AGAP1: variants seen among roughly 807,000 people sequenced by gnomAD.
AGAP1 encodes the protein arf-GAP with GTPase, ANK repeat and PH domain-containing protein 1.
AGAP1 carries 29 observed loss-of-function variants against 105.3 expected under a neutral mutation model. That is an observed-to-expected ratio of 0.28 (90% confidence interval 0.21 to 0.38). The LOEUF is 0.38. AGAP1 is among the 10% of genes least tolerant of loss of function. AGAP1 has a pLI of 1.00. For synonymous variants in AGAP1, 509 were observed against 485.9 expected (o/e 1.05, Z -0.63); for missense variants, 998 against 1,165.1 (o/e 0.86, Z 2.09).
chr2:235,646,227 G>A (rs1044449955), intron 1 of AGAP1, among the ~76,000 whole-genome samples: 4 of 138,340 alleles, frequency 2.9e-5, no homozygotes, highest in East Asian at 4.3e-4. Flanking sequence ...GTGAGATTGC[G>A]CCATTGCACT....
Position 236,087,144 on chromosome 2 carries a change from G to A in AGAP1, c.2115-33048G>A, listed in dbSNP as rs1370020918. 6.6e-6 allele frequency among the ~76,000 whole-genome samples: 1 copy of A among 152,122 alleles called. No individual in the cohort carries two copies. The highest frequency in any genetic ancestry group is 2.4e-5 in the African/African-American group (1 of 41,414). ...AAAAACAGAGCTGAAAAGGAAGAAG[G>A]CCCATTTGCTTCTGGGAATCCAATA... On this transcript the variant is annotated intron_variant, in intron 16 of 17. Coordinates refer to ENST00000304032, the MANE Select transcript of AGAP1 (RefSeq NM_001037131.3). This position sits in a 1 kb window ranked among gnomAD's most constrained non-coding sequence, Gnocchi z 5.7.
In AGAP1 at chr2:236,061,614, G is replaced by A. The variant is rs550414921; in HGVS notation, c.2114+12333G>A. Among the ~76,000 whole-genome samples, 13 of 152,272 alleles carry A rather than the reference G, an allele frequency of 8.5e-5. No individual in the cohort carries two copies. The highest frequency in any genetic ancestry group is 1.2e-4 in the African/African-American group (5 of 41,558). On this transcript the variant is annotated intron_variant, in intron 16 of 17. Transcript: ENST00000304032. This position sits in a 1 kb window ranked among gnomAD's most constrained non-coding sequence, Gnocchi z 4.1. ...GGAAGCAGGCACAGAAGGCCACACC[G>A]TGTACCATTCCATCTGTCTGATGGC...
intron 1 of AGAP1, among the ~76,000 whole-genome samples, chr2:235,587,021 A>G (rs1376217397): frequency 6.6e-6 from 1 of 152,232 alleles, no homozygotes; most frequent in Non-Finnish European, 1.5e-5. Flanking sequence ...TCTCTAGTTA[A>G]TTCTAGTGCA....
chr2:236,118,835 C>T (rs114649037), intron 16 of AGAP1, among the ~76,000 whole-genome samples: 1,643 of 151,596 alleles, frequency 0.011, 22 homozygotes, highest in African/African-American at 0.038. Context: ...ACCACCCTAC[C>T]TTTTTTTTTC....
rs1451110284 is a variant in AGAP1, at chr2:235,982,979, A to G, written c.1645+14356A>G. ...GTTCTTATTTTAATTTTTTTTCCCA[A>G]CCCCTAAAAAGCATTTGCAAACACT... On this transcript the variant is annotated intron_variant, in intron 13 of 17. Transcript: ENST00000304032. This position sits in a 1 kb window ranked among gnomAD's most constrained non-coding sequence, Gnocchi z 4.9. 1.3e-5 allele frequency among the ~76,000 whole-genome samples: 2 copies of G among 151,788 alleles called. No individual in the cohort carries two copies. The highest frequency in any genetic ancestry group is 2.4e-5 in the African/African-American group (1 of 41,298).
Position 235,792,415 on chromosome 2 carries a change from C to T in AGAP1, c.674-5344C>T, listed in dbSNP as rs1389572871. On this transcript the variant is annotated intron_variant, in intron 6 of 17. Transcript: ENST00000304032. The surrounding 1 kb of genome is among the most constrained non-coding windows in gnomAD (Gnocchi z 5.3). ...TACCAGGAGTGGACAAGCCACCTTC[C>T]CCAAACATGAAAGAGCCCAGTTTTG... is the stretch of plus-strand genomic sequence containing the variant. 6.6e-6 allele frequency among the ~76,000 whole-genome samples: 1 copy of T among 152,144 alleles called. No individual in the cohort carries two copies. The highest frequency in any genetic ancestry group is 1.5e-5 in the Non-Finnish European group (1 of 68,046).
chr2:236,019,497 G>A lies in AGAP1; in HGVS notation c.1646-17064G>A, dbSNP rs1050644266. ...GCTGAGAAATTTCCAACATCCTGTCGTGCACCCCTAGCAGAGGGAGATCTT... is the reference window on the plus strand; with the variant it reads ...GCTGAGAAATTTCCAACATCCTGTCATGCACCCCTAGCAGAGGGAGATCTT... On this transcript the variant is annotated intron_variant, in intron 13 of 17. Coordinates refer to ENST00000304032, the MANE Select transcript of AGAP1 (RefSeq NM_001037131.3). Among the ~76,000 whole-genome samples the A allele has an allele frequency of 3.9e-5, 6 of 152,330 alleles. 1 individual carries two copies. Among genetic ancestry groups the A allele is most frequent in the South Asian group, 4.1e-4 (2 of 4,828 alleles).
rs141282017 is a variant in AGAP1, at chr2:235,751,146, G to A, written c.673+658G>A. Among the ~76,000 whole-genome samples, 50 of 152,106 alleles carry A rather than the reference G, an allele frequency of 3.3e-4. No individual in the cohort carries two copies. Among genetic ancestry groups the A allele is most frequent in the African/African-American group, 1.1e-3 (45 of 41,552 alleles). On this transcript the variant is annotated intron_variant, in intron 6 of 17. Coordinates refer to ENST00000304032, the MANE Select transcript of AGAP1 (RefSeq NM_001037131.3). The surrounding 1 kb of genome is among the most constrained non-coding windows in gnomAD (Gnocchi z 5.3). The stretch of plus-strand genomic sequence containing the variant: ...GTGGATGATCATAGCGCCAGACGTC[G>A]TCTATGAGAGAGGAGCCTGTGCAGA...
At chr2:235,651,184 CAAAAAAAAAAAAAAAAAAAAAAA>C (rs55990003) in intron 1 of AGAP1, among the ~76,000 whole-genome samples, 1 of 54,112 alleles carries the variant, frequency 1.8e-5, no homozygotes. Flanking sequence ...AACTCCATCT[CAAAAAAAAAAAAAAAAAAAAAAA>C]AAAAAAAAAA....
At chr2:235,925,817 C>T (rs2052419673) in intron 11 of AGAP1, among the ~76,000 whole-genome samples, 1 of 152,154 alleles carries the variant, frequency 6.6e-6, no homozygotes, top group Non-Finnish European at 1.5e-5. Flanking sequence ...GTTTGGTGCA[C>T]TTGTATCCTA....
At chr2:235,862,770 TC>T (rs1455432396) in intron 9 of AGAP1, among the ~76,000 whole-genome samples, 1 of 152,204 alleles carries the variant, frequency 6.6e-6, no homozygotes, top group African/African-American at 2.4e-5. Context: ...CCTTTGAACT[TC>T]CGTAATAGAT....
rs1008480942 is a variant in AGAP1 at position 235,517,002 on chromosome 2, A to C, written c.163+22153A>C. Reference sequence around the variant, plus strand: ...AGCCACGGGTGCCACGTGGCTCTGGAGGGGCTTGGCGCCTACGTTAGTCAG... The same window carrying C: ...AGCCACGGGTGCCACGTGGCTCTGGCGGGGCTTGGCGCCTACGTTAGTCAG... On this transcript the variant is annotated intron_variant, in intron 1 of 17. Transcript: ENST00000304032. This position sits in a 1 kb window ranked among gnomAD's most constrained non-coding sequence, Gnocchi z 4.1. 1.3e-5 allele frequency among the ~76,000 whole-genome samples: 2 copies of C among 152,146 alleles called. No individual in the cohort carries two copies. The highest frequency in any genetic ancestry group is 4.8e-5 in the African/African-American group (2 of 41,438).
In AGAP1 at chr2:235,875,390, A is replaced by G. The variant is rs1161939192; in HGVS notation, c.1051-7955A>G. 6.6e-6 allele frequency among the ~76,000 whole-genome samples: 1 copy of G among 152,158 alleles called. No individual in the cohort carries two copies. Reference sequence around the variant, plus strand: ...AGTCTCACCATCGTGCTGTCTGCTGAGAGATCTGATTCCCAGCGGACCGGC... The same window carrying G: ...AGTCTCACCATCGTGCTGTCTGCTGGGAGATCTGATTCCCAGCGGACCGGC... On this transcript the variant is annotated intron_variant, in intron 9 of 17. Transcript: ENST00000304032. The surrounding 1 kb of genome is among the most constrained non-coding windows in gnomAD (Gnocchi z 4.0).
chr2:235,550,466 A>G lies in AGAP1; in HGVS notation c.163+55617A>G, dbSNP rs1407299020. On this transcript the variant is annotated intron_variant, in intron 1 of 17. Transcript: ENST00000304032. This position sits in a 1 kb window ranked among gnomAD's most constrained non-coding sequence, Gnocchi z 4.6. ...CCCAGCTCTGCCTTCCTCTCCTCAAATGCCATTCACAGCAGTGTCAGTGCC... is the reference window on the plus strand; with the variant it reads ...CCCAGCTCTGCCTTCCTCTCCTCAAGTGCCATTCACAGCAGTGTCAGTGCC... 6.6e-6 allele frequency among the ~76,000 whole-genome samples: 1 copy of G among 152,074 alleles called. No homozygotes were observed. Among genetic ancestry groups the G allele is most frequent in the Non-Finnish European group, 1.5e-5 (1 of 68,004 alleles).
In AGAP1 at chr2:236,120,355, G is replaced by A. The variant is rs770360609; in HGVS notation, c.2278G>A (p.Val760Met). 1 of 1,611,988 alleles carries A rather than the reference G, an allele frequency of 6.2e-7. No homozygotes were observed. Among genetic ancestry groups the A allele is most frequent in the South Asian group, 1.1e-5 (1 of 91,002 alleles). Residue 760 changes from valine (V) to methionine (M), a missense_variant, in exon 17 of 18, where the codon GTG becomes ATG. Transcript: ENST00000304032. The surrounding 1 kb of genome is among the most constrained non-coding windows in gnomAD (Gnocchi z 6.0). ...LLLAHGSRDE[V>M]NETCGEGDGR... ...GCTGGCACACGGCTCCCGGGACGAG[G>A]TGAACGAGACCTGCGGGGAGGGAGA...
chr2:235,519,635 C>G (rs1015641743), intron 1 of AGAP1, among the ~76,000 whole-genome samples: 17 of 151,996 alleles, frequency 1.1e-4, no homozygotes, highest in African/African-American at 4.1e-4. Context: ...ATTTTTTGAG[C>G]TAAGTATTAT....
Position 235,552,241 on chromosome 2 carries a change from G to A in AGAP1, c.163+57392G>A, listed in dbSNP as rs538045534. ...CCACCTGCAGTTCTGCTTATTGCTG[G>A]TGTTGAGAAATACAGTTTCTGCAGG... On this transcript the variant is annotated intron_variant, in intron 1 of 17. Transcript: ENST00000304032. The surrounding 1 kb of genome is among the most constrained non-coding windows in gnomAD (Gnocchi z 5.9). Among the ~76,000 whole-genome samples, 11 of 152,312 alleles carry A rather than the reference G, an allele frequency of 7.2e-5. No individual in the cohort carries two copies. In the South Asian group the frequency reaches 1.9e-3, roughly 26 times the overall value.
At chr2:236,049,362 G>A (rs3738989) in intron 16 of AGAP1, 81 bp downstream of exon 16, 22,440 of 1,288,806 alleles carry the variant, frequency 0.017, 1,188 homozygotes, top group East Asian at 0.13. Context: ...TGACAGCCAC[G>A]GTTGGGAAGG....
At chr2:235,506,585 A>G (rs1010582471) in intron 1 of AGAP1, among the ~76,000 whole-genome samples, 12 of 152,182 alleles carry the variant, frequency 7.9e-5, no homozygotes, top group Admixed American at 7.9e-4. Flanking sequence ...TGGACATAAA[A>G]TTCAGAATTT....
Sources: gnomAD v4.1 joint callset for allele counts (sites outside exome capture counted in the v4.1 genomes callset) on GRCh38, gnomAD v4.1.1 for gene constraint, Gnocchi (gnomAD v3.1) non-coding constraint, MANE v1.5 for transcripts, NCBI Gene and HGNC (gene_info 2026-07-23, HGNC 2026-07-21) for gene names.